The following DUOX2 variants were observed in gnomAD, a reference collection of about 807,000 sequenced individuals.
The protein encoded by DUOX2 is NADH/NADPH thyroid oxidase p138-tox.
DUOX2 carries 185 observed loss-of-function variants against 183.3 expected under a neutral mutation model. That is an observed-to-expected ratio of 1.01 (90% CI 0.90 to 1.14). DUOX2 has a LOEUF of 1.14. Among genes scored for constraint, DUOX2 ranks in the 50% most tolerant of loss-of-function variants. DUOX2 has a pLI of 0.00. For synonymous variants in DUOX2, 788 were observed against 812.4 expected (o/e 0.97, Z 0.51); for missense variants, 1,999 against 2,022.9 (o/e 0.99, Z 0.23).
chr15:45,098,516 G>A (rs1280801813), intron 26 of DUOX2, among the ~76,000 whole-genome samples: 1 of 152,172 alleles, frequency 6.6e-6, no homozygotes. Flanking sequence ...ATGGATAGAA[G>A]GCAGAGATGG....
In DUOX2 at chr15:45,112,613, G is replaced by T; in HGVS notation, c.266C>A (p.Thr89Lys). Residue 89 changes from threonine (T) to lysine (K), a missense_variant, in exon 4 of 34, where the codon ACG becomes AAG. By Grantham distance (78) the Thr-to-Lys change is moderately conservative. Transcript: ENST00000389039. ...PNPRRLSNAA[T>K]RGIAGLPSLH... ...CGACGGCAGGCCGGCTATGCCCCGCGTGGCTGCGTTGCTGAGCCGGCGCGG... is the reference window on the plus strand; with the variant it reads ...CGACGGCAGGCCGGCTATGCCCCGCTTGGCTGCGTTGCTGAGCCGGCGCGG... The T allele has an allele frequency of 6.2e-7, 1 of 1,612,828 alleles. No individual in the cohort carries two copies.
At chr15:45,106,676 C>A in intron 15 of DUOX2, 35 bp from the exon 16 acceptor site, 1 of 1,612,366 alleles carries the variant, frequency 6.2e-7, no homozygotes, top group Non-Finnish European at 8.5e-7. Context: ...GAGGAGGGAG[C>A]CCCTCACCTA....
intron 22 of DUOX2, 107 bp from the exon 23 acceptor site, chr15:45,100,945 A>G: frequency 1.3e-6 from 1 of 761,976 alleles, no homozygotes; most frequent in Admixed American, 2.1e-5. Context: ...GGTACCAGGC[A>G]GGGGGCAAGG....
At chr15:45,105,362 C>T (rs1008996537) in intron 18 of DUOX2, among the ~76,000 whole-genome samples, 7 of 152,180 alleles carry the variant, frequency 4.6e-5, no homozygotes, top group African/African-American at 1.7e-4. Context: ...GTGTACCACT[C>T]ATGTAGACGA....
At chr15:45,100,919 G>T (rs982338470) in intron 22 of DUOX2, 81 bp from the exon 23 acceptor site, 5 of 972,826 alleles carry the variant, frequency 5.1e-6, no homozygotes, top group South Asian at 4.1e-5. Flanking sequence ...TGGGGTAGAG[G>T]TAGGGAGTGG....
rs141763307 is a variant in DUOX2 at position 45,097,675 on chromosome 15, C to T, written c.3632G>A (p.Arg1211His). The change falls in exon 28 of 34, where the codon CGC (arginine) becomes CAC (histidine). Residue 1211 changes from arginine (R) to histidine (H), a missense_variant. Physicochemically the swap from Arg to His is conservative, Grantham distance 29. This residue lies in a region of DUOX2 where 1,628 missense variants were observed against 1,608.6 expected (regional missense o/e 1.01). Coordinates refer to ENST00000389039, the MANE Select transcript of DUOX2 (RefSeq NM_001363711.2). ...CCAGAAGCCCCGGAAGCTGCGGCGG[C>T]GGAAGTGGTGGGAGGCGAAGACATA... The part of the protein sequence containing the change: ...IMYVFASHHF[R>H]RRSFRGFWLT... The T allele has an allele frequency of 1.1e-4, 172 of 1,614,056 alleles. No individual in the cohort carries two copies. Among genetic ancestry groups the T allele is most frequent in the East Asian group, 3.1e-4 (14 of 44,876 alleles).
rs1237849907 is a variant in DUOX2, at chr15:45,113,058, G to A, written c.89C>T (p.Ser30Leu). The change falls in exon 3 of 34, where the codon TCA becomes TTA. Residue 30 changes from serine to leucine, a missense_variant. Physicochemically the swap from Ser to Leu is moderately radical, Grantham distance 145. This residue lies in a region of DUOX2 where 356 missense variants were observed against 356.4 expected (regional missense o/e 1.00). Transcript: ENST00000389039. ...ATAGCGCTGCACTTCCCAGGGCAGT[G>A]AGAGTGCGTCCTGACTGCCTGTGGG... ...LGPSGSQDAL[S>L]LPWEVQRYDG... The A allele has an allele frequency of 1.9e-6, 3 of 1,613,992 alleles. No homozygotes were observed. Among genetic ancestry groups the A allele is most frequent in the Non-Finnish European group, 2.5e-6 (3 of 1,179,992 alleles).
At chr15:45,111,654 C>T (rs1422390738) in intron 5 of DUOX2, 69 bp from the exon 6 acceptor site, 10 of 1,446,332 alleles carry the variant, frequency 6.9e-6, no homozygotes, top group African/African-American at 3.0e-5. Context: ...CGGGGCCCGG[C>T]GGGTGTCCGC....
At chr15:45,101,030 A>G (rs903545884) in intron 22 of DUOX2, 175 bp downstream of exon 22, 1 of 714,218 alleles carries the variant, frequency 1.4e-6, no homozygotes, top group Admixed American at 2.1e-5. Flanking sequence ...GGAGAGAGCC[A>G]AGCATCCGAG....
chr15:45,093,797 C>A lies in DUOX2; in HGVS notation c.*353G>T. The A allele has an allele frequency of 9.5e-6, 3 of 314,826 alleles. No individual in the cohort carries two copies. Among genetic ancestry groups the A allele is most frequent in the Non-Finnish European group, 1.9e-5 (3 of 161,496 alleles). 19.5% of individuals were successfully genotyped at this position (314,826 alleles called of 1,614,324 possible). On this transcript the variant is annotated 3_prime_UTR_variant, in exon 34 of 34. Coordinates refer to ENST00000389039, the MANE Select transcript of DUOX2 (RefSeq NM_001363711.2). ...TGTCTCCTCCCCACTTTGCTTGCCA[C>A]GCCTGCCATGGCTTGAGCTGGGGTG...
chr15:45,103,338 A>G (rs1331405755), intron 20 of DUOX2, among the ~76,000 whole-genome samples: 2 of 152,228 alleles, frequency 1.3e-5, no homozygotes, highest in Admixed American at 6.5e-5. Flanking sequence ...TGCCAATCAC[A>G]GTGTAGAGAA....
chr15:45,105,890 C>T (rs1894199602), intron 17 of DUOX2, 62 bp from the exon 18 acceptor site: 2 of 1,601,590 alleles, frequency 1.2e-6, no homozygotes, highest in Admixed American at 1.7e-5. Flanking sequence ...TTCAGCCTCC[C>T]CTCAATGGAT....
At chr15:45,113,170 A>G (rs1230207510) in intron 2 of DUOX2, 94 bp from the exon 3 acceptor site, 13 of 1,486,962 alleles carry the variant, frequency 8.7e-6, no homozygotes, top group South Asian at 1.2e-5. Context: ...CAGCTCGCGG[A>G]GCGCCCCTAA....
intron 4 of DUOX2, among the ~76,000 whole-genome samples, 185 bp from the exon 5 acceptor site, chr15:45,112,140 G>A (rs1057144152): frequency 7.9e-5 from 12 of 152,220 alleles, no homozygotes; most frequent in African/African-American, 2.7e-4. Context: ...ACTATAGTGA[G>A]TTCCCTTCCT....
At position 45,108,234 on chromosome 15, in the gene DUOX2, C is replaced by T. The variant is rs1894279563; in HGVS notation, c.1399-12G>A. 2 of 1,613,868 alleles carry T rather than the reference C, an allele frequency of 1.2e-6. No homozygotes were observed. On this transcript the variant is annotated splice_polypyrimidine_tract_variant and intron_variant, in intron 12 of 33. Transcript: ENST00000389039. The stretch of plus-strand genomic sequence containing the variant: ...GTGGCCTCCAGCACCTGGGGCACCA[C>T]AGGAGATAAGGGGTGAGCGTATGTT...
At chr15:45,110,860 G>A in intron 7 of DUOX2, 150 bp from the exon 8 acceptor site, 1 of 1,116,934 alleles carries the variant, frequency 9.0e-7, no homozygotes, top group East Asian at 2.6e-5. Flanking sequence ...TGTGAGGCCT[G>A]TCCCCACAAG....
In DUOX2 at chr15:45,109,880, C is replaced by A. The variant is rs1221546794; in HGVS notation, c.1131+10G>T. The A allele has an allele frequency of 6.2e-7, 1 of 1,613,962 alleles. No homozygotes were observed. The highest frequency in any genetic ancestry group is 2.2e-5 in the East Asian group (1 of 44,892). ...GACCCATCTTCCCCTGACCCTGACC[C>A]CAGTCTGACCTCCCGAATCCAGTAG... On this transcript the variant is annotated intron_variant, in intron 10 of 33. Coordinates refer to ENST00000389039, the MANE Select transcript of DUOX2 (RefSeq NM_001363711.2).
At chr15:45,096,608 C>A (rs1482744532) in intron 29 of DUOX2, among the ~76,000 whole-genome samples, 1 of 152,186 alleles carries the variant, frequency 6.6e-6, no homozygotes, top group Non-Finnish European at 1.5e-5. Context: ...ATAGCTGAGC[C>A]TCAGGCCTGA....
intron 5 of DUOX2, 63 bp from the exon 6 acceptor site, chr15:45,111,648 G>C (rs1595528871): frequency 1.4e-6 from 2 of 1,453,822 alleles, no homozygotes; most frequent in East Asian, 5.4e-5. Context: ...GAAGGCCGGG[G>C]CCCGGCGGGT....
Sources: allele counts gnomAD v4.1 joint callset (sites outside exome capture counted in the v4.1 genomes callset), GRCh38; gene constraint gnomAD v4.1.1; regional missense constraint gnomAD v4.1.1; transcripts MANE v1.5; gene names NCBI Gene and HGNC (gene_info 2026-07-23, HGNC 2026-07-21).